Variants in STMN2 observed in about 807,000 individuals in gnomAD.
STMN2 encodes stathmin 2, also known as stathmin-2.
Under a neutral mutation model 24.1 loss-of-function variants are expected in STMN2, and 2 were observed. That is an observed-to-expected ratio of 0.08 (90% CI 0.03 to 0.26). The LOEUF (loss-of-function observed/expected upper bound fraction) is 0.26, where lower values mean the gene tolerates loss of function less well. Ranked by LOEUF, STMN2 falls within the 10% of genes least tolerant of loss-of-function variation. The pLI, the probability that STMN2 is intolerant of heterozygous loss-of-function variation, is 1.00. For synonymous variants in STMN2, 83 were observed against 77.5 expected (o/e 1.07, Z -0.37); for missense variants, 114 against 213.6 (o/e 0.53, Z 2.91).
intron 1 of STMN2, among the ~76,000 whole-genome samples, chr8:79,633,410 A>G (rs1329695741): frequency 2.0e-5 from 3 of 152,222 alleles, no homozygotes; most frequent in African/African-American, 4.8e-5. Context: ...TCCCCAGACC[A>G]CCTCGAACAA....
intron 3 of STMN2, 42 bp from the exon 4 acceptor site, chr8:79,654,829 G>T (rs1363398344): frequency 6.3e-7 from 1 of 1,593,154 alleles, no homozygotes; most frequent in Admixed American, 1.7e-5. Flanking sequence ...TGCTAGGTTT[G>T]TGTTTGGATA....
chr8:79,615,019 G>T (rs938181097), intron 1 of STMN2, among the ~76,000 whole-genome samples: 2 of 152,158 alleles, frequency 1.3e-5, no homozygotes, highest in Non-Finnish European at 2.9e-5. Flanking sequence ...GTGCCATAAG[G>T]CTGATTCATA....
chr8:79,632,285 G>T (rs528270829), intron 1 of STMN2, among the ~76,000 whole-genome samples: 1 of 152,098 alleles, frequency 6.6e-6, no homozygotes, highest in African/African-American at 2.4e-5. Context: ...TGTGCAAATC[G>T]AATTGCTGTA....
chr8:79,657,189 T>C (rs1172779766), intron 4 of STMN2, among the ~76,000 whole-genome samples: 1 of 152,228 alleles, frequency 6.6e-6, no homozygotes, highest in Non-Finnish European at 1.5e-5. Context: ...ATATCCTTCT[T>C]GATTTCAATT....
intron 1 of STMN2, chr8:79,613,367 G>C: frequency 1.0e-6 from 1 of 985,094 alleles, no homozygotes; most frequent in South Asian, 4.7e-5. Flanking sequence ...CCCGCGCCGC[G>C]CCCTGCGCTC....
chr8:79,616,054 A>G (rs1032225357), intron 1 of STMN2, among the ~76,000 whole-genome samples: 2 of 152,250 alleles, frequency 1.3e-5, no homozygotes, highest in East Asian at 1.9e-4. Flanking sequence ...CCCTGTTCAG[A>G]GCACATCTGA....
intron 1 of STMN2, among the ~76,000 whole-genome samples, chr8:79,618,777 A>G (rs939646778): frequency 6.6e-6 from 1 of 152,184 alleles, no homozygotes; most frequent in African/African-American, 2.4e-5. Flanking sequence ...ATATGAGTGT[A>G]AAGGTTAATT....
At chr8:79,663,224 C>A (rs1254980857) in intron 4 of STMN2, among the ~76,000 whole-genome samples, 1 of 152,108 alleles carries the variant, frequency 6.6e-6, no homozygotes, top group Admixed American at 6.5e-5. Context: ...TTTTTCCATG[C>A]AACTATAAAA....
rs1484556816 is a variant in STMN2, at chr8:79,665,552, C to T, written c.*678C>T. ...ATGAGAAGACAGACCTGAGACCAAT[C>T]TGGGTAGAAGCAAAAAGTTGAACCT... On this transcript the variant is annotated 3_prime_UTR_variant, in exon 5 of 5. Transcript: ENST00000220876. 6.5e-6 allele frequency: 1 copy of T among 154,430 alleles called. No homozygotes were observed. The highest frequency in any genetic ancestry group is 2.4e-5 in the African/African-American group (1 of 41,540). 9.6% of individuals were successfully genotyped at this position (154,430 alleles called of 1,614,324 possible).
At position 79,615,151 on chromosome 8, in the gene STMN2, A is replaced by G. The variant is rs138509518; in HGVS notation, c.19+3937A>G. Among the ~76,000 whole-genome samples the G allele has an allele frequency of 8.3e-4, 127 of 152,394 alleles. 1 individual carries two copies. The highest frequency in any genetic ancestry group is 3.0e-3 in the African/African-American group (123 of 41,590). ...ATCTGTACAACTAACAATGAAGTGG[A>G]GGATGAATCGATACATATTGAATGG... On this transcript the variant is annotated intron_variant, in intron 1 of 4. Transcript: ENST00000220876.
At chr8:79,656,355 G>C (rs928342471) in intron 4 of STMN2, among the ~76,000 whole-genome samples, 1 of 152,126 alleles carries the variant, frequency 6.6e-6, no homozygotes, top group East Asian at 1.9e-4. Flanking sequence ...ATGAAAGTTC[G>C]GATTAAATTT....
chr8:79,614,744 A>G (rs1282064088), intron 1 of STMN2, among the ~76,000 whole-genome samples: 1 of 152,236 alleles, frequency 6.6e-6, no homozygotes, highest in African/African-American at 2.4e-5. Context: ...TTTGTAGTAA[A>G]TTATTCTATT....
intron 1 of STMN2, 116 bp from the exon 2 acceptor site, chr8:79,636,686 G>T: frequency 3.3e-6 from 3 of 898,218 alleles, no homozygotes; most frequent in Non-Finnish European, 5.1e-6. Context: ...ATGCAAAGGA[G>T]TCTACCTGGC....
intron 1 of STMN2, among the ~76,000 whole-genome samples, chr8:79,631,047 GA>G (rs1809791044): frequency 6.6e-6 from 1 of 151,952 alleles, no homozygotes; most frequent in African/African-American, 2.4e-5. Flanking sequence ...TCAGGGGAAA[GA>G]AAAAAAGGAC....
At chr8:79,643,151 A>AT (rs1037646184) in intron 3 of STMN2, among the ~76,000 whole-genome samples, 64 of 130,044 alleles carry the variant, frequency 4.9e-4, no homozygotes, top group African/African-American at 1.7e-3. Flanking sequence ...GTGTGTGTGT[A>AT]TATATATATA....
chr8:79,627,155 C>T (rs1365310181), intron 1 of STMN2, among the ~76,000 whole-genome samples: 1 of 152,050 alleles, frequency 6.6e-6, no homozygotes, highest in South Asian at 2.1e-4. Context: ...CCATGAATCC[C>T]CCTTTTTTTA....
chr8:79,644,546 G>C (rs1161756462), intron 3 of STMN2, among the ~76,000 whole-genome samples: 1 of 152,114 alleles, frequency 6.6e-6, no homozygotes, highest in African/African-American at 2.4e-5. Context: ...TGAATCACAT[G>C]CCCACCACTG....
At chr8:79,644,122 C>A (rs571466789) in intron 3 of STMN2, among the ~76,000 whole-genome samples, 1 of 152,256 alleles carries the variant, frequency 6.6e-6, no homozygotes, top group Non-Finnish European at 1.5e-5. Flanking sequence ...TTTAAAGAGT[C>A]TTTAGCAAGT....
intron 1 of STMN2, chr8:79,613,410 T>G (rs917934465): frequency 5.1e-6 from 5 of 985,278 alleles, no homozygotes; most frequent in Non-Finnish European, 6.0e-6. Context: ...GCCCCCGCGG[T>G]GCAGCCGGGG....
Sources: gnomAD v4.1 joint callset for allele counts (sites outside exome capture counted in the v4.1 genomes callset) on GRCh38, gnomAD v4.1.1 for gene constraint, MANE v1.5 for transcripts, NCBI Gene and HGNC (gene_info 2026-07-23, HGNC 2026-07-21) for gene names.